Variants in TMEM26 observed in about 807,000 individuals in gnomAD.
TMEM26 encodes the protein transmembrane protein 26.
Under a neutral mutation model 28.8 loss-of-function variants are expected in TMEM26, and 38 were observed. That is an observed-to-expected ratio of 1.32 (90% CI 1.02 to 1.73). The LOEUF (loss-of-function observed/expected upper bound fraction) is 1.73, where lower values mean the gene tolerates loss of function less well. TMEM26 is among the 40% of genes most tolerant of loss of function. The pLI is 0.00. For synonymous variants in TMEM26, 227 were observed against 182.9 expected (o/e 1.24, Z -1.95); for missense variants, 518 against 447.1 (o/e 1.16, Z -1.43).
intron 1 of TMEM26, among the ~76,000 whole-genome samples, chr10:61,446,733 C>G (rs1342611822): frequency 7.8e-6 from 1 of 128,524 alleles, no homozygotes; most frequent in East Asian, 2.7e-4. Flanking sequence ...GCAGGGGAAT[C>G]GCTTGAATCC....
chr10:61,431,119 A>G, intron 3 of TMEM26, 100 bp downstream of exon 3: 2 of 914,950 alleles, frequency 2.2e-6, no homozygotes, highest in Non-Finnish European at 3.4e-6. Flanking sequence ...AACTTTCTTC[A>G]GGAAAGAATT....
intron 1 of TMEM26, among the ~76,000 whole-genome samples, chr10:61,442,632 G>C (rs1840112351): frequency 1.3e-5 from 2 of 152,160 alleles, no homozygotes; most frequent in African/African-American, 4.8e-5. Context: ...CTCATGTTAA[G>C]TGAGATTTTG....
At chr10:61,412,864 C>T (rs1839589593) in intron 5 of TMEM26, 1 of 1,121,820 alleles carries the variant, frequency 8.9e-7, no homozygotes, top group Non-Finnish European at 1.2e-6. Context: ...TATAAAATGC[C>T]TGGGAAACAG....
Position 61,409,392 on chromosome 10 carries a change from A to T in TMEM26, c.*930T>A, listed in dbSNP as rs1839535804. The stretch of plus-strand genomic sequence containing the variant: ...CACTTCCAGTAGTCGCGGTTCAAAG[A>T]AGCTGCAGCTTTGTTCACTACTGCT... On this transcript the variant is annotated 3_prime_UTR_variant, in exon 6 of 6. Coordinates refer to ENST00000399298, the MANE Select transcript of TMEM26 (RefSeq NM_178505.8). 6.6e-6 allele frequency: 1 copy of T among 152,188 alleles called. No homozygotes were observed. The highest frequency in any genetic ancestry group is 6.5e-5 in the Admixed American group (1 of 15,268). The allele number at this position is 152,188 out of a possible 1,614,324, so 9.4% of individuals were successfully genotyped here.
intron 3 of TMEM26, 119 bp downstream of exon 3, chr10:61,431,100 A>G: frequency 1.3e-6 from 1 of 761,506 alleles, no homozygotes; most frequent in South Asian, 1.8e-5. Context: ...CCTAAGCCAA[A>G]CAATGGATAA....
chr10:61,443,643 T>C (rs573569526), intron 1 of TMEM26, among the ~76,000 whole-genome samples: 7 of 152,342 alleles, frequency 4.6e-5, no homozygotes, highest in African/African-American at 1.7e-4. Flanking sequence ...TATATTCAGA[T>C]TTTGTAAAGA....
chr10:61,436,346 C>G (rs188338659), intron 1 of TMEM26, 98 bp from the exon 2 acceptor site: 8 of 659,982 alleles, frequency 1.2e-5, no homozygotes, highest in Non-Finnish European at 2.0e-5. Flanking sequence ...GCACATACTC[C>G]GACCACATTG....
Position 61,418,170 on chromosome 10 carries a change from A to G in TMEM26, c.606-4635T>C, listed in dbSNP as rs545491363. Among the ~76,000 whole-genome samples the G allele has an allele frequency of 7.9e-5, 12 of 152,124 alleles. No individual in the cohort carries two copies. The East Asian group carries it at 2.1e-3, about 27-fold the overall frequency. ...GAAAGATTAAACTCAACTCTGCTAA[A>G]ACAAAAAGTAGCAGAGTTTTCAAGA... On this transcript the variant is annotated intron_variant, in intron 4 of 5. Coordinates refer to ENST00000399298, the MANE Select transcript of TMEM26 (RefSeq NM_178505.8).
intron 4 of TMEM26, chr10:61,415,947 A>G (rs1839644879): frequency 2.8e-6 from 1 of 350,944 alleles, no homozygotes. Flanking sequence ...AAGGAATGAA[A>G]CATTTCTTTT....
At position 61,408,850 on chromosome 10, in the gene TMEM26, ACT is replaced by A. The variant is rs767607957; in HGVS notation, c.*1470_*1471del. On this transcript the variant is annotated 3_prime_UTR_variant, in exon 6 of 6. Coordinates refer to ENST00000399298, the MANE Select transcript of TMEM26 (RefSeq NM_178505.8). ...AGCCATTTATGAGAAAATATGCATG[ACT>A]CTGTATAAAAACACAATTTGTCTAT... 4.6e-5 allele frequency: 7 copies of A among 152,166 alleles called. No individual in the cohort carries two copies. The highest frequency in any genetic ancestry group is 1.7e-4 in the African/African-American group (7 of 41,428). 9.4% of individuals were successfully genotyped at this position (152,166 alleles called of 1,614,324 possible). A position where few individuals can be genotyped will look rare whatever the true frequency, so the allele number is the denominator to read the frequency against.
intron 2 of TMEM26, among the ~76,000 whole-genome samples, chr10:61,433,362 T>C (rs1466025528): frequency 2.0e-5 from 3 of 152,182 alleles, no homozygotes; most frequent in African/African-American, 7.2e-5. Flanking sequence ...ATTGTTTACA[T>C]TCTGCCTCGT....
intron 3 of TMEM26, among the ~76,000 whole-genome samples, chr10:61,430,978 T>A (rs1298798248): frequency 2.6e-5 from 4 of 152,076 alleles, no homozygotes; most frequent in African/African-American, 9.6e-5. Flanking sequence ...CTTTATGTGT[T>A]CCTTAATGAT....
At position 61,410,593 on chromosome 10, in the gene TMEM26, A is replaced by T. The variant is rs751596336; in HGVS notation, c.836T>A (p.Phe279Tyr). The change falls in exon 6 of 6, where the codon TTC becomes TAC. Residue 279 changes from phenylalanine (F) to tyrosine (Y), a missense_variant. Coordinates refer to ENST00000399298, the MANE Select transcript of TMEM26 (RefSeq NM_178505.8). Reference sequence around the variant, plus strand: ...CACCAGCATCTGATTGATCACTTTGAAATAGGTCATCAGTATGAGACGCAC... The same window carrying T: ...CACCAGCATCTGATTGATCACTTTGTAATAGGTCATCAGTATGAGACGCAC... Reference protein sequence around the residue: ...LVVRLILMTYFKVINQMLVFF... With the variant: ...LVVRLILMTYYKVINQMLVFF... 54 of 1,614,012 alleles carry T rather than the reference A, an allele frequency of 3.3e-5. No individual in the cohort carries two copies. Among genetic ancestry groups the T allele is most frequent in the Non-Finnish European group, 4.5e-5 (53 of 1,180,042 alleles).
intron 2 of TMEM26, among the ~76,000 whole-genome samples, chr10:61,435,401 C>T (rs1366911918): frequency 6.6e-6 from 1 of 152,130 alleles, no homozygotes; most frequent in African/African-American, 2.4e-5. Flanking sequence ...GGATGGTCCC[C>T]ATCTCTTGAC....
At position 61,408,762 on chromosome 10, in the gene TMEM26, ATTG is replaced by A. The variant is rs1839526509; in HGVS notation, c.*1557_*1559del. ...CCATGTGTCATTTTATAGTCATTAT[ATTG>A]TTAAAATTAGAAGCACAAGGAAGAA... On this transcript the variant is annotated 3_prime_UTR_variant, in exon 6 of 6. Transcript: ENST00000399298. 1 of 152,212 alleles carries A rather than the reference ATTG, an allele frequency of 6.6e-6. No individual in the cohort carries two copies. Among genetic ancestry groups the A allele is most frequent in the South Asian group, 2.1e-4 (1 of 4,832 alleles). The allele number at this position is 152,212 out of a possible 1,614,324, so 9.4% of individuals were successfully genotyped here.
chr10:61,432,500 T>C (rs1001504947), intron 2 of TMEM26, among the ~76,000 whole-genome samples: 8 of 152,100 alleles, frequency 5.3e-5, no homozygotes, highest in Non-Finnish European at 1.2e-4. Context: ...CTGTACCCAA[T>C]GAAAATTTTA....
intron 1 of TMEM26, among the ~76,000 whole-genome samples, chr10:61,445,464 G>C (rs939489764): frequency 3.9e-5 from 6 of 152,098 alleles, no homozygotes; most frequent in Non-Finnish European, 8.8e-5. Context: ...TAAGTCAGTT[G>C]TACATTATCT....
chr10:61,431,237 A>T lies in TMEM26; in HGVS notation c.366T>A (p.Ala122=). 1 of 1,612,884 alleles carries T rather than the reference A, an allele frequency of 6.2e-7. No individual in the cohort carries two copies. The highest frequency in any genetic ancestry group is 8.5e-7 in the Non-Finnish European group (1 of 1,179,114). ...CTCTCACCGTCTCAATGAGATCATC[A>T]GCTCTACTGGTTTGTTCATTGGATG... The part of the protein sequence containing the change: ...TLTSNEQTSR[A]DDLIETAKVF... Residue 122 remains alanine (A), a synonymous_variant, in exon 3 of 6, where the codon GCT becomes GCA. Transcript: ENST00000399298.
intron 4 of TMEM26, among the ~76,000 whole-genome samples, chr10:61,428,091 A>G (rs1188306157): frequency 6.6e-6 from 1 of 152,164 alleles, no homozygotes; most frequent in Non-Finnish European, 1.5e-5. Flanking sequence ...TTGGTAAGTT[A>G]GTGTATTTCG....
Sources: gnomAD v4.1 joint callset for allele counts (sites outside exome capture counted in the v4.1 genomes callset) on GRCh38, gnomAD v4.1.1 for gene constraint, MANE v1.5 for transcripts, NCBI Gene and HGNC (gene_info 2026-07-23, HGNC 2026-07-21) for gene names.